Variants in NALCN observed in about 807,000 individuals in gnomAD.
The protein encoded by NALCN is sodium leak channel NALCN.
In NALCN, 111 loss-of-function variants were observed where a neutral mutation model predicts 225.3. The ratio of observed to expected loss-of-function variants is 0.49; its 90% CI spans 0.42 to 0.58. The LOEUF (loss-of-function observed/expected upper bound fraction) is 0.58. NALCN is among the 20% of genes least tolerant of loss of function. The pLI is 0.00. For synonymous variants in NALCN, 764 were observed against 769.0 expected (o/e 0.99, Z 0.11); for missense variants, 1,378 against 2,202.4 (o/e 0.63, Z 7.49).
chr13:101,415,368 C>G (rs956200546), intron 1 of NALCN, among the ~76,000 whole-genome samples: 5 of 152,012 alleles, frequency 3.3e-5, no homozygotes, highest in African/African-American at 4.8e-5. Context: ...GATGACCACA[C>G]GAACACCAGA....
chr13:101,117,341 C>T (rs766371202), intron 18 of NALCN, among the ~76,000 whole-genome samples: 7 of 152,180 alleles, frequency 4.6e-5, no homozygotes, highest in East Asian at 1.9e-4. Context: ...TCTGCAACCC[C>T]GCATCATTCA....
At chr13:101,181,916 G>A (rs1232107806) in intron 14 of NALCN, among the ~76,000 whole-genome samples, 2 of 152,034 alleles carry the variant, frequency 1.3e-5, no homozygotes, top group Admixed American at 6.5e-5. Flanking sequence ...GGCAGATCAC[G>A]AGGTCAGGAG....
chr13:101,178,124 C>G (rs968342433), intron 14 of NALCN, among the ~76,000 whole-genome samples: 3 of 152,160 alleles, frequency 2.0e-5, no homozygotes, highest in Non-Finnish European at 4.4e-5. Context: ...CCATGTTCAG[C>G]CCATTTCCCA....
chr13:101,079,374 C>T (rs1326087371), intron 34 of NALCN, among the ~76,000 whole-genome samples: 1 of 152,208 alleles, frequency 6.6e-6, no homozygotes, highest in Admixed American at 6.5e-5. Flanking sequence ...CTGATACCTT[C>T]TTACCCATCC....
intron 3 of NALCN, among the ~76,000 whole-genome samples, chr13:101,384,271 C>T (rs1013840822): frequency 3.3e-5 from 5 of 152,056 alleles, no homozygotes; most frequent in African/African-American, 9.7e-5. Context: ...GTTCCATCAA[C>T]AAGAAATGGA....
chr13:101,083,888 A>G lies in NALCN; in HGVS notation c.3490-84T>C, dbSNP rs1004093604. On this transcript the variant is annotated intron_variant, in intron 30 of 43. Transcript: ENST00000251127. The stretch of plus-strand genomic sequence containing the variant: ...TGGCAGATGGGGTGCCGAGACAAAC[A>G]GGACTGATGTGAGGGCTTGCACTGA... 3 of 1,277,370 alleles carry G rather than the reference A, an allele frequency of 2.3e-6. No individual in the cohort carries two copies. In the African/African-American group the frequency reaches 4.4e-5, roughly 19 times the overall value. 79.1% of individuals were successfully genotyped at this position (1,277,370 alleles called of 1,614,324 possible).
At chr13:101,076,469 T>C (rs1434527680) in intron 34 of NALCN, among the ~76,000 whole-genome samples, 1 of 152,230 alleles carries the variant, frequency 6.6e-6, no homozygotes, top group African/African-American at 2.4e-5. Flanking sequence ...AAGAGATGAC[T>C]GCACTTTATG....
At chr13:101,258,316 C>T in intron 11 of NALCN, 127 bp downstream of exon 11, 1 of 1,342,384 alleles carries the variant, frequency 7.4e-7, no homozygotes, top group Non-Finnish European at 1.0e-6. Flanking sequence ...AAGAAGCAGA[C>T]AATGATTCAG....
rs771257375 is a variant in NALCN at position 101,083,245 on chromosome 13, T to C, written c.3584-47A>G. 1.4e-5 allele frequency: 21 copies of C among 1,460,056 alleles called. 1 individual carries two copies. In the South Asian group the frequency reaches 2.4e-4, roughly 17 times the overall value. 90.4% of individuals were successfully genotyped at this position (1,460,056 alleles called of 1,614,324 possible). On this transcript the variant is annotated intron_variant, in intron 31 of 43. Transcript: ENST00000251127. Reference sequence around the variant, plus strand: ...AAGGGCATTTTAGACACAGGTCACATTTACTTTCTTGTCGTTTATTTTCTT... The same window carrying C: ...AAGGGCATTTTAGACACAGGTCACACTTACTTTCTTGTCGTTTATTTTCTT...
rs1286299524 is a variant in NALCN at position 101,073,606 on chromosome 13, T to C, written c.4175A>G (p.Asn1392Ser). Residue 1392 changes from asparagine to serine, a missense_variant, in exon 37 of 44, where the codon AAC (asparagine) becomes AGC (serine). Physicochemically the swap from Asn to Ser is conservative, Grantham distance 46. Transcript: ENST00000251127. ...TACCATACAGTCATGCATAATCTTG[T>C]TCCAGTCTTCACCTGTGACAATTCG... ...LFRIVTGEDW[N>S]KIMHDCMVQP... is the part of the protein sequence containing the mutation. 1.9e-6 allele frequency: 3 copies of C among 1,613,572 alleles called. No homozygotes were observed. The highest frequency in any genetic ancestry group is 2.5e-6 in the Non-Finnish European group (3 of 1,179,776).
chr13:101,395,213 T>C lies in NALCN; in HGVS notation c.261A>G (p.Ile87Met), dbSNP rs1167747035. The change falls in exon 3 of 44, where the codon ATA becomes ATG. Residue 87 changes from isoleucine to methionine, a missense_variant. By Grantham distance (10) the Ile-to-Met change is conservative (BLOSUM62 1). Transcript: ENST00000251127. ...LLMFLYTAEMIAKMHIRGIVK... is the reference protein window; with the variant it reads ...LLMFLYTAEMMAKMHIRGIVK... The stretch of plus-strand genomic sequence containing the variant: ...CAATGCCCCGGATGTGCATTTTTGC[T>C]ATCATCTCTGCCGTGTAGAGAAACA... The C allele has an allele frequency of 1.2e-6, 2 of 1,613,742 alleles. No individual in the cohort carries two copies. Among genetic ancestry groups the C allele is most frequent in the Admixed American group, 1.7e-5 (1 of 59,968 alleles).
Position 101,399,096 on chromosome 13 carries a change from C to A in NALCN, c.31G>T (p.Glu11Ter). ...CCAAAGTCAGTGACTGGCTGGGCTTCCACCCTGGAACTCTGCTTCCTTTTG... is the reference window on the plus strand; with the variant it reads ...CCAAAGTCAGTGACTGGCTGGGCTTACACCCTGGAACTCTGCTTCCTTTTG... MLKRKQSSRV[E>*]AQPVTDFGPD... The change falls in exon 2 of 44, where the codon GAA becomes TAA. Residue 11 changes from glutamate (E) to a stop codon, truncating the protein, a stop_gained. Coordinates refer to ENST00000251127, the MANE Select transcript of NALCN (RefSeq NM_052867.4). LOFTEE classifies it high-confidence loss of function. 6.2e-7 allele frequency: 1 copy of A among 1,613,546 alleles called. No individual in the cohort carries two copies. Among genetic ancestry groups the A allele is most frequent in the Non-Finnish European group, 8.5e-7 (1 of 1,179,598 alleles).
intron 18 of NALCN, chr13:101,116,299 C>T (rs1023605516): frequency 6.6e-6 from 1 of 151,726 alleles, no homozygotes; most frequent in African/African-American, 2.6e-5. Flanking sequence ...TTCAATTGCT[C>T]CTTATATGAC....
intron 28 of NALCN, among the ~76,000 whole-genome samples, chr13:101,091,033 C>G (rs1246160446): frequency 6.6e-6 from 1 of 152,126 alleles, no homozygotes; most frequent in Non-Finnish European, 1.5e-5. Flanking sequence ...ATCCTTTTTA[C>G]TAGATTGCAT....
chr13:101,162,703 T>C (rs1200003810), intron 15 of NALCN, among the ~76,000 whole-genome samples: 3 of 152,194 alleles, frequency 2.0e-5, no homozygotes, highest in Non-Finnish European at 4.4e-5. Context: ...TGCTGCGAGG[T>C]TGCTCTTCCT....
chr13:101,267,925 A>G (rs2042649956), intron 10 of NALCN, among the ~76,000 whole-genome samples: 1 of 152,212 alleles, frequency 6.6e-6, no homozygotes, highest in Admixed American at 6.5e-5. Flanking sequence ...CATATAGCTC[A>G]TCTACATCAC....
rs951096289 is a variant in NALCN at position 101,284,602 on chromosome 13, A to G, written c.1048-583T>C. ...TATTTTAATGGTAGAAGATTGCCAC[A>G]TTGCTTAATACACTTTGTGTAATTA... On this transcript the variant is annotated intron_variant, in intron 9 of 43. Coordinates refer to ENST00000251127, the MANE Select transcript of NALCN (RefSeq NM_052867.4). Among the ~76,000 whole-genome samples the G allele has an allele frequency of 9.2e-5, 14 of 152,302 alleles. No homozygotes were observed. In the East Asian group the frequency reaches 2.5e-3, roughly 27 times the overall value.
At chr13:101,370,731 C>T (rs895999399) in intron 6 of NALCN, among the ~76,000 whole-genome samples, 3 of 152,172 alleles carry the variant, frequency 2.0e-5, no homozygotes, top group Non-Finnish European at 4.4e-5. Flanking sequence ...TAGATTTCTA[C>T]TTCACACTGA....
At chr13:101,193,309 T>C (rs993495437) in intron 13 of NALCN, among the ~76,000 whole-genome samples, 6 of 152,174 alleles carry the variant, frequency 3.9e-5, no homozygotes, top group Admixed American at 6.5e-5. Flanking sequence ...AATCTAAGTA[T>C]AATTTTCACA....
Sources: gnomAD v4.1 joint callset for allele counts (sites outside exome capture counted in the v4.1 genomes callset) on GRCh38, gnomAD v4.1.1 for gene constraint, MANE v1.5 for transcripts, NCBI Gene and HGNC (gene_info 2026-07-23, HGNC 2026-07-21) for gene names.